The following TRAK1 variants were observed in gnomAD, a reference collection of about 807,000 sequenced individuals.
TRAK1 encodes trafficking kinesin-binding protein 1.
In TRAK1, 33 loss-of-function variants were observed where a neutral mutation model predicts 92.1. The observed-to-expected ratio is 0.36, with a 90% CI of 0.27 to 0.48. The LOEUF (loss-of-function observed/expected upper bound fraction) is 0.48. Ranked by LOEUF, TRAK1 falls within the 20% of genes least tolerant of loss-of-function variation. The probability of loss-of-function intolerance (pLI) is 0.99; values close to 1 mark genes in which losing one functional copy is unlikely to be tolerated. For synonymous variants in TRAK1, 521 were observed against 517.3 expected (o/e 1.01, Z -0.10); for missense variants, 1,123 against 1,257.9 (o/e 0.89, Z 1.62).
At chr3:42,055,473 T>C (rs1301413879) in intron 1 of TRAK1, among the ~76,000 whole-genome samples, 1 of 152,222 alleles carries the variant, frequency 6.6e-6, no homozygotes, top group Non-Finnish European at 1.5e-5. Flanking sequence ...GCAAATCTTA[T>C]TTGTTGAGAC....
Position 42,091,563 on chromosome 3 carries a change from A to T in TRAK1, c.91+3A>T. 1 of 1,610,806 alleles carries T rather than the reference A, an allele frequency of 6.2e-7. No homozygotes were observed. The highest frequency in any genetic ancestry group is 8.5e-7 in the Non-Finnish European group (1 of 1,179,004). On this transcript the variant is annotated splice_donor_region_variant and intron_variant, in intron 1 of 15. Coordinates refer to ENST00000327628, the MANE Select transcript of TRAK1 (RefSeq NM_001042646.3). ...GCTCATTCGGACAAACGCCTGTGGT[A>T]AGTTTGTTTGCCAGGTCTGTCTGCT...
chr3:42,099,759 G>A (rs1425310896), intron 1 of TRAK1, among the ~76,000 whole-genome samples: 1 of 152,166 alleles, frequency 6.6e-6, no homozygotes, highest in African/African-American at 2.4e-5. Context: ...GACCATTCAG[G>A]TTGTCATACC....
At chr3:42,044,872 T>G (rs928339702) in intron 1 of TRAK1, among the ~76,000 whole-genome samples, 1 of 152,204 alleles carries the variant, frequency 6.6e-6, no homozygotes, top group African/African-American at 2.4e-5. Context: ...TTCTCTGGAT[T>G]TTTATGTTAC....
At chr3:42,106,084 A>T (rs867191676) in intron 1 of TRAK1, among the ~76,000 whole-genome samples, 1 of 152,220 alleles carries the variant, frequency 6.6e-6, no homozygotes, top group South Asian at 2.1e-4. Context: ...TGTAAAGACC[A>T]TCAATGCTAG....
chr3:42,149,095 C>A, intron 2 of TRAK1: 1 of 738,224 alleles, frequency 1.4e-6, no homozygotes, highest in Non-Finnish European at 1.7e-6. Flanking sequence ...TTTTTCAGAG[C>A]CGGCCAGTTT....
chr3:42,091,357 A>AG lies in TRAK1; in HGVS notation c.-112dup, dbSNP rs1705031187. 4.1e-5 allele frequency: 38 copies of AG among 926,262 alleles called. 1 individual carries two copies. The South Asian group carries it at 5.8e-4, about 14-fold the overall frequency. 57.4% of individuals were successfully genotyped at this position (926,262 alleles called of 1,614,324 possible). ...AGGATTTGCCCTAACAAGCAAACTC[A>AG]GAAAACTGCTGAGGAAGGCACGGGA... is the stretch of plus-strand genomic sequence containing the variant. On this transcript the variant is annotated 5_prime_UTR_variant, in exon 1 of 16. Transcript: ENST00000327628.
intron 1 of TRAK1, among the ~76,000 whole-genome samples, chr3:42,049,327 A>T (rs1421875841): frequency 6.0e-5 from 8 of 133,998 alleles, no homozygotes; most frequent in African/African-American, 3.6e-5. Flanking sequence ...TATGTCATTC[A>T]TTTTTTTTTT....
intron 2 of TRAK1, among the ~76,000 whole-genome samples, chr3:42,154,887 A>G (rs1430956749): frequency 6.6e-6 from 1 of 152,074 alleles, no homozygotes; most frequent in South Asian, 2.1e-4. Context: ...TCATACCTGA[A>G]GGAGATGGGG....
intron 2 of TRAK1, among the ~76,000 whole-genome samples, chr3:42,153,349 A>T (rs1700159920): frequency 6.6e-6 from 1 of 152,150 alleles, no homozygotes; most frequent in Admixed American, 6.5e-5. Context: ...GGAAGCTATA[A>T]TTATGCCACT....
At chr3:42,032,324 C>G (rs1451879788) in intron 1 of TRAK1, among the ~76,000 whole-genome samples, 1 of 152,162 alleles carries the variant, frequency 6.6e-6, no homozygotes, top group Non-Finnish European at 1.5e-5. Context: ...ATGTGCTGCT[C>G]CTTCCCAGGC....
chr3:42,219,436 A>G (rs1710091820), intron 14 of TRAK1, 58 bp from the exon 15 acceptor site: 9 of 1,612,748 alleles, frequency 5.6e-6, no homozygotes, highest in Non-Finnish European at 7.6e-6. Context: ...GCTGGATTTT[A>G]ATTTTTATTG....
intron 1 of TRAK1, among the ~76,000 whole-genome samples, chr3:42,015,224 C>T (rs1050263000): frequency 6.6e-5 from 10 of 152,160 alleles, no homozygotes; most frequent in African/African-American, 2.2e-4. Context: ...TCAGCTTTGT[C>T]ACAGAGGTTC....
chr3:42,097,861 G>T (rs921014995), intron 1 of TRAK1, among the ~76,000 whole-genome samples: 1 of 152,180 alleles, frequency 6.6e-6, no homozygotes, highest in African/African-American at 2.4e-5. Context: ...ATACTGATAG[G>T]TTGGTCCATC....
intron 1 of TRAK1, among the ~76,000 whole-genome samples, chr3:42,101,758 G>C (rs1486943930): frequency 6.6e-6 from 1 of 152,134 alleles, no homozygotes. Flanking sequence ...GCCATAGTTT[G>C]CAGACTCCTG....
chr3:42,192,953 A>G, intron 7 of TRAK1, 122 bp from the exon 8 acceptor site: 8 of 1,418,440 alleles, frequency 5.6e-6, no homozygotes, highest in Non-Finnish European at 7.6e-6. Context: ...CACCCTCCCC[A>G]CTCTACCCTG....
intron 1 of TRAK1, among the ~76,000 whole-genome samples, chr3:42,072,601 G>A (rs577212936): frequency 8.0e-5 from 12 of 150,820 alleles, no homozygotes; most frequent in African/African-American, 2.7e-4. Flanking sequence ...GGAGACAGGC[G>A]TGAGCTTACA....
chr3:42,076,523 G>A (rs1704169202), intron 1 of TRAK1, among the ~76,000 whole-genome samples: 1 of 152,234 alleles, frequency 6.6e-6, no homozygotes, highest in East Asian at 1.9e-4. Flanking sequence ...ACCAGGCCTG[G>A]CCAGATATTA....
At chr3:42,182,354 T>C (rs1704138550) in intron 3 of TRAK1, among the ~76,000 whole-genome samples, 1 of 151,462 alleles carries the variant, frequency 6.6e-6, no homozygotes, top group Non-Finnish European at 1.5e-5. Context: ...ACTCAGGCTG[T>C]AGTGCAGTGG....
chr3:42,043,823 A>G (rs1163164440), intron 1 of TRAK1, among the ~76,000 whole-genome samples: 1 of 129,252 alleles, frequency 7.7e-6, no homozygotes, highest in Middle Eastern at 3.7e-3. Context: ...AAAGAGGACC[A>G]TGCTTTGGTC....
Sources: allele counts gnomAD v4.1 joint callset (sites outside exome capture counted in the v4.1 genomes callset), GRCh38; gene constraint gnomAD v4.1.1; transcripts MANE v1.5; gene names NCBI Gene and HGNC (gene_info 2026-07-23, HGNC 2026-07-21).